Variants in TBC1D32 observed in about 807,000 individuals in gnomAD.
The protein encoded by TBC1D32 is protein broad-minded.
In TBC1D32, 151 loss-of-function variants were observed where a neutral mutation model predicts 170.3. That is an observed-to-expected ratio of 0.89 (90% CI 0.78 to 1.01). The LOEUF is 1.01. TBC1D32 is among the 50% of genes least tolerant of loss of function. TBC1D32 has a pLI of 0.00. For synonymous variants in TBC1D32, 498 were observed against 488.0 expected, an observed-to-expected ratio of 1.02 and a Z score of -0.27; for missense variants, 1,464 against 1,457.1, an observed-to-expected ratio of 1.00 and a Z score of -0.08.
intron 24 of TBC1D32, among the ~76,000 whole-genome samples, chr6:121,146,205 G>GA (rs1783425485): frequency 6.6e-6 from 1 of 152,210 alleles, no homozygotes; most frequent in Non-Finnish European, 1.5e-5. Flanking sequence ...TGGCTCATGT[G>GA]ATTATAGAGG....
chr6:121,083,841 C>T (rs2128167943), intron 31 of TBC1D32, among the ~76,000 whole-genome samples: 1 of 152,208 alleles, frequency 6.6e-6, no homozygotes, highest in Admixed American at 6.5e-5. Context: ...TGATTGCTCT[C>T]TGGATTAAAT....
chr6:121,188,118 A>AAAAAC (rs1789441089), intron 22 of TBC1D32, among the ~76,000 whole-genome samples: 2 of 152,290 alleles, frequency 1.3e-5, no homozygotes, highest in African/African-American at 2.4e-5. Context: ...ATTTGTTTTA[A>AAAAAC]AAAACAAAAC....
At chr6:121,235,343 GGGA>G (rs1406715355) in intron 20 of TBC1D32, among the ~76,000 whole-genome samples, 1 of 152,120 alleles carries the variant, frequency 6.6e-6, no homozygotes, top group Non-Finnish European at 1.5e-5. Flanking sequence ...TCAGCTACCA[GGGA>G]GGGTAAAAAA....
chr6:121,188,623 C>A (rs541003465), intron 22 of TBC1D32, among the ~76,000 whole-genome samples: 74 of 152,100 alleles, frequency 4.9e-4, no homozygotes, highest in African/African-American at 1.7e-3. Flanking sequence ...TGAATCCTCC[C>A]CCCAACAAAA....
rs571068801 is a variant in TBC1D32, at chr6:121,302,448, G to A, written c.1080+1169C>T. Among the ~76,000 whole-genome samples, 83 of 151,982 alleles carry A rather than the reference G, an allele frequency of 5.5e-4. 1 individual carries two copies. Among genetic ancestry groups the A allele is most frequent in the Middle Eastern group, 3.4e-3 (1 of 294 alleles). On this transcript the variant is annotated intron_variant, in intron 9 of 31. Coordinates refer to ENST00000398212, the MANE Select transcript of TBC1D32 (RefSeq NM_152730.6). The stretch of plus-strand genomic sequence containing the variant: ...CAGAATGTGATTTTTAAATAAATTT[G>A]TACCCCGTTATCTTAAGAATCAACT...
chr6:121,207,485 A>C (rs1303016010), intron 21 of TBC1D32, among the ~76,000 whole-genome samples: 1 of 152,208 alleles, frequency 6.6e-6, no homozygotes, highest in Non-Finnish European at 1.5e-5. Flanking sequence ...TTCAAAGAAC[A>C]AATGTTATGG....
At chr6:121,186,096 T>C (rs1362259287) in intron 22 of TBC1D32, among the ~76,000 whole-genome samples, 3 of 152,132 alleles carry the variant, frequency 2.0e-5, no homozygotes, top group Non-Finnish European at 2.9e-5. Context: ...AGCGAGAAAG[T>C]TGATGGTTTA....
chr6:121,090,709 A>G, intron 31 of TBC1D32, 144 bp downstream of exon 31: 1 of 684,630 alleles, frequency 1.5e-6, no homozygotes, highest in South Asian at 2.1e-5. Context: ...CAGTTTACTC[A>G]TCTCTAAAAT....
At chr6:121,306,522 T>C (rs1807345797) in intron 5 of TBC1D32, among the ~76,000 whole-genome samples, 1 of 152,160 alleles carries the variant, frequency 6.6e-6, no homozygotes. Flanking sequence ...ATGTAACTCT[T>C]CTGCTAATGC....
Position 121,080,574 on chromosome 6 carries a change from C to A in TBC1D32, c.*197G>T. On this transcript the variant is annotated 3_prime_UTR_variant, in exon 32 of 32. Coordinates refer to ENST00000398212, the MANE Select transcript of TBC1D32 (RefSeq NM_152730.6). ...TAAGCTAGATCTGATTCTATAATAA[C>A]CTTACAAAACAACAAATTTACAAAA... The A allele has an allele frequency of 1.6e-6, 1 of 638,462 alleles. No homozygotes were observed. The highest frequency in any genetic ancestry group is 2.4e-6 in the Non-Finnish European group (1 of 409,658). 39.5% of individuals were successfully genotyped at this position (638,462 alleles called of 1,614,324 possible). A position where few individuals can be genotyped will look rare whatever the true frequency, so the allele number is the denominator to read the frequency against.
In TBC1D32 at chr6:121,085,698, A is replaced by G. The variant is rs374729969; in HGVS notation, c.3655-4808T>C. Among the ~76,000 whole-genome samples the G allele has an allele frequency of 2.6e-5, 4 of 152,050 alleles. No individual in the cohort carries two copies. In the East Asian group the frequency reaches 5.8e-4, roughly 22 times the overall value. ...GGAATCTAAATACATTAATTTTCAT[A>G]AGTACCCTAAGTGATTCTTAGGACC... On this transcript the variant is annotated intron_variant, in intron 31 of 31. Coordinates refer to ENST00000398212, the MANE Select transcript of TBC1D32 (RefSeq NM_152730.6).
intron 22 of TBC1D32, among the ~76,000 whole-genome samples, chr6:121,201,758 T>A (rs1319723180): frequency 6.6e-6 from 1 of 151,188 alleles, no homozygotes; most frequent in African/African-American, 2.5e-5. Flanking sequence ...TGTCTGTATA[T>A]GTACAGAAAG....
At chr6:121,213,793 A>G (rs1390349209) in intron 21 of TBC1D32, among the ~76,000 whole-genome samples, 2 of 152,180 alleles carry the variant, frequency 1.3e-5, no homozygotes, top group Non-Finnish European at 2.9e-5. Context: ...GAAAAAAACT[A>G]TTTGAAAATT....
intron 1 of TBC1D32, among the ~76,000 whole-genome samples, chr6:121,322,772 G>T (rs1466086094): frequency 6.6e-6 from 1 of 152,110 alleles, no homozygotes; most frequent in African/African-American, 2.4e-5. Context: ...TACTTGTTAG[G>T]TTGAAATATA....
chr6:121,092,986 C>T (rs1439220736), intron 30 of TBC1D32, among the ~76,000 whole-genome samples: 1 of 152,102 alleles, frequency 6.6e-6, no homozygotes, highest in Non-Finnish European at 1.5e-5. Context: ...ATTCTGTTCT[C>T]AGGTGTTAAG....
At chr6:121,252,729 T>C (rs1798458615) in intron 17 of TBC1D32, among the ~76,000 whole-genome samples, 1 of 151,916 alleles carries the variant, frequency 6.6e-6, no homozygotes, top group African/African-American at 2.4e-5. Flanking sequence ...CAGAACTTAA[T>C]GTATAATAAA....
intron 22 of TBC1D32, among the ~76,000 whole-genome samples, chr6:121,200,766 T>C (rs1190385469): frequency 6.6e-6 from 1 of 151,342 alleles, no homozygotes; most frequent in African/African-American, 2.5e-5. Context: ...AGAGCAAGCT[T>C]TGTGTTGAAG....
At chr6:121,140,411 G>T (rs1024874375) in intron 24 of TBC1D32, among the ~76,000 whole-genome samples, 9 of 151,510 alleles carry the variant, frequency 5.9e-5, no homozygotes, top group Admixed American at 4.6e-4. Context: ...TTCTCATAGA[G>T]GAATAATATC....
intron 26 of TBC1D32, among the ~76,000 whole-genome samples, chr6:121,123,036 A>T (rs1780438366): frequency 1.3e-5 from 2 of 152,098 alleles, no homozygotes; most frequent in Admixed American, 6.6e-5. Flanking sequence ...CAGTGTAAAG[A>T]GCACCTTTGA....
Sources: gnomAD v4.1 joint callset for allele counts (sites outside exome capture counted in the v4.1 genomes callset) on GRCh38, gnomAD v4.1.1 for gene constraint, MANE v1.5 for transcripts, NCBI Gene and HGNC (gene_info 2026-07-23, HGNC 2026-07-21) for gene names.